Variants in RHCE observed in about 807,000 individuals in gnomAD.
The protein encoded by RHCE is blood group Rh(CE) polypeptide.
A neutral mutation model predicts 43.8 loss-of-function variants in RHCE; 22 were observed. That is an observed-to-expected ratio of 0.50 (90% CI 0.36 to 0.72). The LOEUF (loss-of-function observed/expected upper bound fraction) is 0.72, where lower values mean the gene tolerates loss of function less well. RHCE is among the 30% of genes least tolerant of loss of function. The probability of loss-of-function intolerance (pLI) is 0.00; values close to 1 mark genes in which losing one functional copy is unlikely to be tolerated. For synonymous variants in RHCE, 156 were observed against 210.7 expected, an observed-to-expected ratio of 0.74 and a Z score of 2.25; for missense variants, 385 against 525.4, an observed-to-expected ratio of 0.73 and a Z score of 2.61.
At chr1:25,399,726 C>T (rs888741014) in intron 3 of RHCE, among the ~76,000 whole-genome samples, 2 of 152,098 alleles carry the variant, frequency 1.3e-5, no homozygotes, top group African/African-American at 4.8e-5. Flanking sequence ...ATGCTGATAT[C>T]TCATATTATA....
At chr1:25,420,826 G>A (rs1197195348), upstream of RHCE, 8 of 1,597,532 alleles carry the variant, frequency 5.0e-6, no homozygotes, top group Admixed American at 3.5e-5. Flanking sequence ...CCAGCACCAG[G>A]CATCACCCCT....
upstream of RHCE, among the ~76,000 whole-genome samples, chr1:25,424,043 C>T (rs751464911): frequency 2.0e-5 from 3 of 152,136 alleles, no homozygotes; most frequent in East Asian, 1.9e-4. Flanking sequence ...GTTCCCATCC[C>T]ACCACTCCGT....
At chr1:25,393,184 C>A (rs924373738) in intron 3 of RHCE, among the ~76,000 whole-genome samples, 91 of 152,290 alleles carry the variant, frequency 6.0e-4, no homozygotes, top group African/African-American at 2.1e-3. Context: ...TTTTTAGCAC[C>A]ATTTCCCACT....
intron 7 of RHCE, among the ~76,000 whole-genome samples, chr1:25,380,833 G>A (rs1413075191): frequency 6.7e-6 from 1 of 149,736 alleles, no homozygotes; most frequent in East Asian, 2.0e-4. Context: ...TGGCTTTGGA[G>A]TTTTTCTCCC....
chr1:25,423,494 C>T (rs950367078), upstream of RHCE, among the ~76,000 whole-genome samples: 1 of 152,180 alleles, frequency 6.6e-6, no homozygotes, highest in African/African-American at 2.4e-5. Context: ...CTGATCCTGC[C>T]CCAGTAAGGA....
At chr1:25,382,744 TG>T (rs939704247) in intron 7 of RHCE, among the ~76,000 whole-genome samples, 1 of 152,002 alleles carries the variant, frequency 6.6e-6, no homozygotes, top group Non-Finnish European at 1.5e-5. Flanking sequence ...TCGGAATGAG[TG>T]GCTCTTGGGA....
At chr1:25,416,655 C>T (rs746603607) in intron 1 of RHCE, among the ~76,000 whole-genome samples, 4 of 151,506 alleles carry the variant, frequency 2.6e-5, no homozygotes, top group Non-Finnish European at 4.4e-5. Context: ...CTTGCTCTGT[C>T]GCCCATGCTG....
At chr1:25,371,565 G>A (rs1434539440) in intron 8 of RHCE, among the ~76,000 whole-genome samples, 1 of 151,278 alleles carries the variant, frequency 6.6e-6, no homozygotes, top group East Asian at 1.9e-4. Context: ...CAGAGACGGG[G>A]TTTAGCCATG....
rs554306778 is a variant in RHCE, at chr1:25,382,983, C to G, written c.1073+2728G>C. 3.8e-4 allele frequency among the ~76,000 whole-genome samples: 58 copies of G among 152,240 alleles called. No homozygotes were observed. In the South Asian group the frequency reaches 0.011, roughly 30 times the overall value. On this transcript the variant is annotated intron_variant, in intron 7 of 9. Transcript: ENST00000294413. ...TGGGAGGTAGCTGTAAAAAGAGATA[C>G]AATGAAAACAAAATGTTGCTAAAAT...
chr1:25,401,703 C>A (rs1646748157), intron 3 of RHCE, among the ~76,000 whole-genome samples: 2 of 152,190 alleles, frequency 1.3e-5, no homozygotes, highest in African/African-American at 2.4e-5. Flanking sequence ...TGGTGAGGCT[C>A]TGAGAATTAA....
intron 1 of RHCE, among the ~76,000 whole-genome samples, chr1:25,418,494 G>C (rs1042368801): frequency 1.3e-5 from 2 of 152,078 alleles, no homozygotes; most frequent in Non-Finnish European, 2.9e-5. Flanking sequence ...GTAGAGATGG[G>C]GTTTTGCCAT....
chr1:25,386,181 G>A (rs1453896724), intron 6 of RHCE, among the ~76,000 whole-genome samples: 1 of 152,130 alleles, frequency 6.6e-6, no homozygotes, highest in Non-Finnish European at 1.5e-5. Flanking sequence ...TTGTGATGGG[G>A]GCTGCCCTGT....
At position 25,406,170 on chromosome 1, in the gene RHCE, C is replaced by A. The variant is rs1245787495; in HGVS notation, c.335+2513G>T. ...AGCAACACCAAACCAGGGCCACCACCATTTGAATTCCCCCCAGGGTGCCCT... is the reference window on the plus strand; with the variant it reads ...AGCAACACCAAACCAGGGCCACCACAATTTGAATTCCCCCCAGGGTGCCCT... On this transcript the variant is annotated intron_variant, in intron 2 of 9. Coordinates refer to ENST00000294413, the MANE Select transcript of RHCE (RefSeq NM_020485.8). Among the ~76,000 whole-genome samples, 6 of 122,470 alleles carry A rather than the reference C, an allele frequency of 4.9e-5. 2 individuals are homozygous for A. The highest frequency in any genetic ancestry group is 1.1e-4 in the Non-Finnish European group (6 of 53,588). The allele number at this position is 122,470 out of a possible 152,430, so 80.3% of individuals were successfully genotyped here. A position where few individuals can be genotyped will look rare whatever the true frequency, so the allele number is the denominator to read the frequency against.
intron 7 of RHCE, among the ~76,000 whole-genome samples, chr1:25,379,627 C>A (rs1428189692): frequency 2.0e-5 from 3 of 150,610 alleles, no homozygotes. Flanking sequence ...GTCTCAGCCT[C>A]CTGAGTAGCT....
intron 3 of RHCE, among the ~76,000 whole-genome samples, chr1:25,394,045 G>C (rs1022617799): frequency 1.2e-4 from 18 of 152,280 alleles, no homozygotes; most frequent in South Asian, 2.1e-4. Context: ...CTGGAGTGCA[G>C]TGGTGCCATC....
rs529496392 is a variant in RHCE, at chr1:25,371,482, C to A, written c.1154-942G>T. Among the ~76,000 whole-genome samples, 21 of 151,502 alleles carry A rather than the reference C, an allele frequency of 1.4e-4. 1 individual carries two copies. In the East Asian group the frequency reaches 3.7e-3, roughly 27 times the overall value. On this transcript the variant is annotated intron_variant, in intron 8 of 9. Transcript: ENST00000294413. ...AACTCCCAGGCACAAGCAACCCCCC[C>A]ACCTCAGCCTCCCAAGTAGCTGGGA...
chr1:25,367,629 C>A (rs1311277462), intron 9 of RHCE, among the ~76,000 whole-genome samples: 2 of 136,810 alleles, frequency 1.5e-5, no homozygotes, highest in Non-Finnish European at 3.3e-5. Context: ...TCATGCTGAG[C>A]AAAAGAGGCC....
upstream of RHCE, among the ~76,000 whole-genome samples, chr1:25,423,989 G>C (rs533130337): frequency 1.4e-4 from 21 of 152,292 alleles, no homozygotes; most frequent in South Asian, 4.1e-3. Context: ...TCAACTTTAT[G>C]ATGGCGCGAA....
At chr1:25,417,105 T>G (rs866802989) in intron 1 of RHCE, among the ~76,000 whole-genome samples, 1 of 151,410 alleles carries the variant, frequency 6.6e-6, no homozygotes, top group Non-Finnish European at 1.5e-5. Context: ...ATCATGCCAT[T>G]TCAATGTGCC....
Sources: gnomAD v4.1 joint callset for allele counts (sites outside exome capture counted in the v4.1 genomes callset) on GRCh38, gnomAD v4.1.1 for gene constraint, MANE v1.5 for transcripts, NCBI Gene and HGNC (gene_info 2026-07-23, HGNC 2026-07-21) for gene names.